Variants in RBKS observed in about 807,000 individuals in gnomAD.
RBKS encodes the protein ribokinase.
In RBKS, 33 loss-of-function variants were observed where a neutral mutation model predicts 33.9. The observed-to-expected ratio is 0.97, with a 90% CI of 0.74 to 1.30. RBKS has a LOEUF of 1.30. Among genes scored for constraint, RBKS ranks in the 50% most tolerant of loss-of-function variants. The pLI, the probability that RBKS is intolerant of heterozygous loss-of-function variation, is 0.00. For synonymous variants in RBKS, 125 were observed against 143.0 expected (o/e 0.87, Z 0.90); for missense variants, 361 against 392.6 (o/e 0.92, Z 0.68).
At chr2:27,791,672 T>C (rs2148183778) in intron 7 of RBKS, among the ~76,000 whole-genome samples, 1 of 151,630 alleles carries the variant, frequency 6.6e-6, no homozygotes, top group African/African-American at 2.4e-5. Context: ...TACATATACA[T>C]ATACATATAC....
chr2:27,870,931 C>T (rs1329023429), intron 1 of RBKS: 1 of 456,406 alleles, frequency 2.2e-6, no homozygotes, highest in African/African-American at 2.0e-5. Context: ...GTTGCCTTGT[C>T]AACATCGGTA....
rs1677645801 is a variant in RBKS, at chr2:27,795,275, A to G, written c.796-13487T>C. On this transcript the variant is annotated intron_variant, in intron 7 of 7. Transcript: ENST00000302188. The surrounding 1 kb of genome is among the most constrained non-coding windows in gnomAD (Gnocchi z 4.1). ...GCAGGGGTTCTGTGTTTTTCTGCACAAAGAGGGCAGCAGTTGGACTACTGA... is the reference window on the plus strand; with the variant it reads ...GCAGGGGTTCTGTGTTTTTCTGCACGAAGAGGGCAGCAGTTGGACTACTGA... 6.6e-6 allele frequency among the ~76,000 whole-genome samples: 1 copy of G among 152,186 alleles called. No homozygotes were observed. Among genetic ancestry groups the G allele is most frequent in the Non-Finnish European group, 1.5e-5 (1 of 68,046 alleles).
chr2:27,781,551 C>G lies in RBKS; in HGVS notation c.*64G>C, dbSNP rs1677283252. On this transcript the variant is annotated 3_prime_UTR_variant, in exon 8 of 8. Transcript: ENST00000302188. ...GAGGACATTTTCTAATAAGCATTAG[C>G]CAGGAGCAGCCACCCCCAAGTACAT... 7.5e-7 allele frequency: 1 copy of G among 1,333,562 alleles called. No homozygotes were observed. The allele number at this position is 1,333,562 out of a possible 1,614,324, so 82.6% of individuals were successfully genotyped here. A position where few individuals can be genotyped will look rare whatever the true frequency, so the allele number is the denominator to read the frequency against.
At chr2:27,798,029 G>C (rs999957231) in intron 7 of RBKS, among the ~76,000 whole-genome samples, 3 of 152,058 alleles carry the variant, frequency 2.0e-5, no homozygotes, top group African/African-American at 7.2e-5. Context: ...GAGGTGAAGA[G>C]TCACCAGAAT....
intron 7 of RBKS, among the ~76,000 whole-genome samples, chr2:27,809,267 G>A (rs946560258): frequency 1.3e-5 from 2 of 152,250 alleles, no homozygotes; most frequent in African/African-American, 4.8e-5. Context: ...AGGGGCAGGT[G>A]CTGCTCCCAG....
At chr2:27,813,607 A>T (rs1194197048) in intron 7 of RBKS, among the ~76,000 whole-genome samples, 1 of 152,110 alleles carries the variant, frequency 6.6e-6, no homozygotes, top group African/African-American at 2.4e-5. Flanking sequence ...TGAAAGAGAC[A>T]AAATTTAAAA....
intron 1 of RBKS, among the ~76,000 whole-genome samples, chr2:27,887,585 G>T (rs978469439): frequency 6.6e-6 from 1 of 152,162 alleles, no homozygotes; most frequent in African/African-American, 2.4e-5. Flanking sequence ...AGTAACGAGA[G>T]ATCATGAAAA....
At chr2:27,791,611 TCTA>T (rs1426993005) in intron 7 of RBKS, among the ~76,000 whole-genome samples, 1 of 124,010 alleles carries the variant, frequency 8.1e-6, no homozygotes, top group Non-Finnish European at 1.6e-5. Context: ...CCATAATAAA[TCTA>T]CACACACACA....
chr2:27,852,122 T>G (rs915386262), intron 2 of RBKS, among the ~76,000 whole-genome samples: 1 of 152,158 alleles, frequency 6.6e-6, no homozygotes, highest in East Asian at 1.9e-4. Flanking sequence ...AACATGCTCT[T>G]TGGAAATCCC....
At chr2:27,865,108 C>G (rs1469358479) in intron 1 of RBKS, among the ~76,000 whole-genome samples, 1 of 152,140 alleles carries the variant, frequency 6.6e-6, no homozygotes, top group Non-Finnish European at 1.5e-5. Context: ...ATCACGAGGT[C>G]AGGAGATCAA....
chr2:27,797,918 A>G (rs754899617), intron 7 of RBKS, among the ~76,000 whole-genome samples: 2 of 152,132 alleles, frequency 1.3e-5, no homozygotes, highest in African/African-American at 4.8e-5. Context: ...GGCTGCTCAG[A>G]GAGGAGGATG....
chr2:27,888,837 AT>A (rs776288601), intron 1 of RBKS, among the ~76,000 whole-genome samples: 7 of 152,140 alleles, frequency 4.6e-5, no homozygotes, highest in Non-Finnish European at 7.4e-5. Context: ...AGCCTAAAAT[AT>A]TTACTATCTG....
intron 2 of RBKS, among the ~76,000 whole-genome samples, chr2:27,853,344 C>T (rs1383212154): frequency 7.0e-6 from 1 of 143,358 alleles, no homozygotes; most frequent in Non-Finnish European, 1.5e-5. Context: ...GCCCAGGCAA[C>T]CTGTCTCTGA....
At chr2:27,785,046 ACTC>A (rs1480107561) in intron 7 of RBKS, among the ~76,000 whole-genome samples, 2 of 152,134 alleles carry the variant, frequency 1.3e-5, no homozygotes, top group Non-Finnish European at 2.9e-5. Context: ...CCAAGTCTTG[ACTC>A]CTCCTTACAT....
At chr2:27,789,558 C>T (rs1181854435) in intron 7 of RBKS, among the ~76,000 whole-genome samples, 1 of 151,480 alleles carries the variant, frequency 6.6e-6, no homozygotes, top group East Asian at 1.9e-4. Flanking sequence ...GCCACCACAC[C>T]TGGCCTTTTT....
chr2:27,791,646 AATATACATATACATATAC>A (rs66685463), intron 7 of RBKS, among the ~76,000 whole-genome samples: 78 of 140,984 alleles, frequency 5.5e-4, no homozygotes, highest in Middle Eastern at 3.6e-3. Flanking sequence ...ACACACACTA[AATATACATATACATATAC>A]ATATACATAT....
chr2:27,880,436 G>A (rs1213512961), intron 1 of RBKS, among the ~76,000 whole-genome samples: 2 of 152,132 alleles, frequency 1.3e-5, no homozygotes, highest in East Asian at 1.9e-4. Flanking sequence ...AACCAGGCAA[G>A]AGAAAGAAAT....
intron 6 of RBKS, among the ~76,000 whole-genome samples, chr2:27,829,754 T>C (rs1297283127): frequency 6.6e-6 from 1 of 152,198 alleles, no homozygotes; most frequent in Non-Finnish European, 1.5e-5. Context: ...GAGTTCTTGC[T>C]CTGCTGTTTC....
intron 7 of RBKS, among the ~76,000 whole-genome samples, chr2:27,784,274 C>T (rs374090505): frequency 6.6e-6 from 1 of 150,836 alleles, no homozygotes; most frequent in Admixed American, 6.6e-5. Flanking sequence ...TGAGCCACCG[C>T]GCCCGGCCTC....
Sources: allele counts gnomAD v4.1 joint callset (sites outside exome capture counted in the v4.1 genomes callset), GRCh38; gene constraint gnomAD v4.1.1; non-coding constraint Gnocchi (gnomAD v3.1); transcripts MANE v1.5; gene names NCBI Gene and HGNC (gene_info 2026-07-23, HGNC 2026-07-21).